LARGE1: variants seen among roughly 807,000 people sequenced by gnomAD.
LARGE1 encodes the protein LARGE xylosyl- and glucuronyltransferase 1, also known as xylosyl- and glucuronyltransferase LARGE1.
LARGE1 carries 43 observed loss-of-function variants against 87.6 expected under a neutral mutation model. The observed-to-expected ratio is 0.49, with a 90% confidence interval of 0.38 to 0.63. The LOEUF (loss-of-function observed/expected upper bound fraction) is 0.63, where lower values mean the gene tolerates loss of function less well. LARGE1 is among the 30% of genes least tolerant of loss of function. LARGE1 has a pLI of 0.00. For missense variants in LARGE1, 802 were observed against 1,000.2 expected, an observed-to-expected ratio of 0.80 and a Z score of 2.67; for synonymous variants, 434 against 394.6, an observed-to-expected ratio of 1.10 and a Z score of -1.18.
At chr22:33,487,585 C>T (rs2069642664) in intron 6 of LARGE1, among the ~76,000 whole-genome samples, 1 of 152,168 alleles carries the variant, frequency 6.6e-6, no homozygotes, top group Non-Finnish European at 1.5e-5. Context: ...ATCCATCTCG[C>T]AGGGTCAGTA....
chr22:33,580,907 G>C (rs1185405579), intron 5 of LARGE1, among the ~76,000 whole-genome samples: 4 of 152,144 alleles, frequency 2.6e-5, no homozygotes. Flanking sequence ...AGTTAGATGA[G>C]TTTTTAGCCA....
intron 7 of LARGE1, among the ~76,000 whole-genome samples, chr22:33,389,878 CCAACCAACCAACCAAA>C (rs1265294261): frequency 9.0e-5 from 12 of 133,384 alleles, no homozygotes; most frequent in African/African-American, 3.8e-4. Flanking sequence ...AACCAACCAA[CCAACCAACCAACCAAA>C]CAAAAAAAAC....
At chr22:33,597,273 T>C (rs2079001621) in intron 5 of LARGE1, among the ~76,000 whole-genome samples, 1 of 108,290 alleles carries the variant, frequency 9.2e-6, no homozygotes, top group Non-Finnish European at 1.9e-5. Flanking sequence ...CTTGGCCTAA[T>C]TCATGAAAAA....
chr22:33,870,147 T>C (rs1398045643), intron 1 of LARGE1, among the ~76,000 whole-genome samples: 1 of 152,106 alleles, frequency 6.6e-6, no homozygotes, highest in Non-Finnish European at 1.5e-5. Flanking sequence ...ATGATGGCCA[T>C]GTGATGAGAC....
rs550038612 is a variant in LARGE1, at chr22:33,739,913, CCT to C, written c.106+21456_106+21457del. Reference sequence around the variant, plus strand: ...TGAGTACAGAAGCGGAGAAGGACCCCCTGAATGTAGAAAGACACAGCTGATTT... The same window carrying C: ...TGAGTACAGAAGCGGAGAAGGACCCCGAATGTAGAAAGACACAGCTGATTT... On this transcript the variant is annotated intron_variant, in intron 2 of 14. Coordinates refer to ENST00000397394, the MANE Select transcript of LARGE1 (RefSeq NM_133642.5). 6.8e-4 allele frequency among the ~76,000 whole-genome samples: 103 copies of C among 152,232 alleles called. No individual in the cohort carries two copies. In the Middle Eastern group the frequency reaches 0.01, roughly 15 times the overall value.
At chr22:33,382,188 T>A in intron 8 of LARGE1, 144 bp from the exon 9 acceptor site, 1 of 1,010,292 alleles carries the variant, frequency 9.9e-7, no homozygotes. Context: ...CTGTGAGGCA[T>A]CTCTCTTGCC....
intron 6 of LARGE1, among the ~76,000 whole-genome samples, chr22:33,468,719 T>C (rs963162866): frequency 6.6e-6 from 1 of 152,116 alleles, no homozygotes; most frequent in Non-Finnish European, 1.5e-5. Flanking sequence ...TTTAAGCTAC[T>C]TGTCCTAGGG....
intron 7 of LARGE1, among the ~76,000 whole-genome samples, chr22:33,392,468 GGTCAATACGGCAAAACCCT>G (rs2065565916): frequency 6.6e-6 from 1 of 152,074 alleles, no homozygotes; most frequent in Non-Finnish European, 1.5e-5. Context: ...AGACCAGCCT[GGTCAATACGGCAAAACCCT>G]GTCTCTACTA....
intron 7 of LARGE1, among the ~76,000 whole-genome samples, chr22:33,389,704 G>A (rs2065447889): frequency 6.6e-6 from 1 of 152,162 alleles, no homozygotes; most frequent in Admixed American, 6.5e-5. Context: ...AATGAGCCGG[G>A]CATGGTGGTG....
chr22:33,771,529 T>G (rs111772840), intron 1 of LARGE1, among the ~76,000 whole-genome samples: 1 of 152,172 alleles, frequency 6.6e-6, no homozygotes, highest in Non-Finnish European at 1.5e-5. Flanking sequence ...CTCAAACCTC[T>G]TCCTTCCTGA....
At chr22:33,764,007 G>A (rs1312038856) in intron 1 of LARGE1, among the ~76,000 whole-genome samples, 3 of 151,604 alleles carry the variant, frequency 2.0e-5, no homozygotes, top group Admixed American at 6.6e-5. Context: ...ACGCCACCAC[G>A]TCCAGCTAGT....
In LARGE1 at chr22:33,738,129, C is replaced by T. The variant is rs542007449; in HGVS notation, c.106+23242G>A. Among the ~76,000 whole-genome samples the T allele has an allele frequency of 2.6e-5, 4 of 152,208 alleles. No individual in the cohort carries two copies. In the East Asian group the frequency reaches 7.7e-4, roughly 29 times the overall value. ...TCAGGTAATCGAATTTGGTTCTTAG[C>T]GCTAATGTCATTTTCTGCTAATTTA... On this transcript the variant is annotated intron_variant, in intron 2 of 14. Coordinates refer to ENST00000397394, the MANE Select transcript of LARGE1 (RefSeq NM_133642.5).
At chr22:33,222,724 C>A (rs8135577) in intron 11 of LARGE1, among the ~76,000 whole-genome samples, 14,047 of 152,196 alleles carry the variant, frequency 0.092, 952 homozygotes, top group African/African-American at 0.19. Context: ...TCAAGGGGAT[C>A]ATGGTCTTGC....
rs116024161 is a variant in LARGE1, at chr22:33,390,530, C to T, written c.893-6226G>A. On this transcript the variant is annotated intron_variant, in intron 7 of 14. Transcript: ENST00000397394. ...CTTTGTACCTAGACATTTTTAAAGA[C>T]CATGCTTCCTCTTAAACATGAATGT... Among the ~76,000 whole-genome samples, 422 of 152,178 alleles carry T rather than the reference C, an allele frequency of 2.8e-3. 2 individuals carry two copies. Among genetic ancestry groups the T allele is most frequent in the African/African-American group, 9.7e-3 (401 of 41,538 alleles).
chr22:33,504,082 G>A (rs2148393488), intron 6 of LARGE1, among the ~76,000 whole-genome samples: 1 of 152,190 alleles, frequency 6.6e-6, no homozygotes, highest in East Asian at 1.9e-4. Flanking sequence ...CAGTTCTGCA[G>A]AGACAGAGAG....
At chr22:33,324,350 C>T (rs1937057907) in intron 10 of LARGE1, among the ~76,000 whole-genome samples, 1 of 144,274 alleles carries the variant, frequency 6.9e-6, no homozygotes, top group African/African-American at 2.5e-5. Flanking sequence ...GCCTCCTTTT[C>T]ACCCAGGGTT....
intron 2 of LARGE1, among the ~76,000 whole-genome samples, chr22:33,748,222 C>G (rs1246266594): frequency 6.6e-6 from 1 of 151,156 alleles, no homozygotes; most frequent in Non-Finnish European, 1.5e-5. Flanking sequence ...ATCTCCACCT[C>G]CCGGGTTCAA....
intron 11 of LARGE1, among the ~76,000 whole-genome samples, chr22:33,197,921 T>C (rs915296376): frequency 1.4e-5 from 2 of 146,134 alleles, no homozygotes; most frequent in Non-Finnish European, 3.0e-5. Flanking sequence ...AACAGACATA[T>C]GGATCAATGC....
chr22:33,626,473 TAACTC>T (rs2149077718), intron 3 of LARGE1, 147 bp from the exon 4 acceptor site: 2 of 690,748 alleles, frequency 2.9e-6, no homozygotes, highest in South Asian at 1.6e-5. Context: ...CTGTGGAAAA[TAACTC>T]AAGACAGTTT....
Sources: gnomAD v4.1 joint callset for allele counts (sites outside exome capture counted in the v4.1 genomes callset) on GRCh38, gnomAD v4.1.1 for gene constraint, MANE v1.5 for transcripts, NCBI Gene and HGNC (gene_info 2026-07-23, HGNC 2026-07-21) for gene names.